Variants in ZFHX3 observed in about 807,000 individuals in gnomAD.
ZFHX3 encodes zinc finger homeobox protein 3.
In ZFHX3, 42 loss-of-function variants were observed where a neutral mutation model predicts 279.1. That is an observed-to-expected ratio of 0.15 (90% CI 0.12 to 0.19). The LOEUF (loss-of-function observed/expected upper bound fraction) is 0.19, where lower values mean the gene tolerates loss of function less well. Among genes scored for constraint, ZFHX3 ranks in the 10% least tolerant of loss-of-function variants. ZFHX3 has a pLI of 1.00. For missense variants in ZFHX3, 4,981 were observed against 4,754.0 expected (o/e 1.05, Z -1.40); for synonymous variants, 2,293 against 1,957.8 (o/e 1.17, Z -4.52).
intron 2 of ZFHX3, among the ~76,000 whole-genome samples, chr16:73,631,162 T>C (rs760429580): frequency 6.6e-6 from 1 of 152,198 alleles, no homozygotes; most frequent in Non-Finnish European, 1.5e-5. Flanking sequence ...AGGTCAGGTA[T>C]GAATTTTAGG....
chr16:73,707,182 G>T (rs1403014672), intron 1 of ZFHX3, among the ~76,000 whole-genome samples: 4 of 152,024 alleles, frequency 2.6e-5, no homozygotes, highest in African/African-American at 9.7e-5. Context: ...CTCAGTATTT[G>T]CTCTTTCCCT....
chr16:73,805,503 C>A (rs1597123631), intron 1 of ZFHX3, among the ~76,000 whole-genome samples: 1 of 152,276 alleles, frequency 6.6e-6, no homozygotes, highest in Admixed American at 6.5e-5. Flanking sequence ...ATCTTTCCAT[C>A]AAGACTGCCA....
upstream of ZFHX3, chr16:73,060,502 G>GTCTCTC (rs149114094): frequency 6.8e-6 from 1 of 148,146 alleles, no homozygotes; most frequent in African/African-American, 2.5e-5. Flanking sequence ...GTGTCTGTCT[G>GTCTCTC]TCTCTCTCTC....
At chr16:73,402,292 T>C (rs941630082) in intron 3 of ZFHX3, 29 of 152,360 alleles carry the variant, frequency 1.9e-4, no homozygotes, top group African/African-American at 6.7e-4. Context: ...CCTTGTTTCC[T>C]CAGGTAAACT....
intron 3 of ZFHX3, chr16:73,389,387 T>C (rs2016965652): frequency 6.6e-6 from 1 of 152,230 alleles, no homozygotes; most frequent in Non-Finnish European, 1.5e-5. Flanking sequence ...TGCCCTCTAG[T>C]CTAAAGCAGC....
intron 5 of ZFHX3, among the ~76,000 whole-genome samples, chr16:72,822,839 A>T (rs1306343833): frequency 7.4e-6 from 1 of 135,104 alleles, no homozygotes; most frequent in Non-Finnish European, 1.5e-5. Flanking sequence ...CCTGCCTTAG[A>T]TATGTGTGCA....
At chr16:73,597,053 T>C (rs1597018728) in intron 2 of ZFHX3, among the ~76,000 whole-genome samples, 1 of 152,304 alleles carries the variant, frequency 6.6e-6, no homozygotes, top group Non-Finnish European at 1.5e-5. Flanking sequence ...TTCATCACCA[T>C]ATGTACTGTT....
intron 3 of ZFHX3, among the ~76,000 whole-genome samples, chr16:72,939,505 C>T (rs1032683093): frequency 1.3e-5 from 2 of 152,254 alleles, no homozygotes; most frequent in Non-Finnish European, 2.9e-5. Context: ...TGCAGGACCA[C>T]TGCAGTGACA....
At chr16:73,125,838 A>G (rs1966560489) in intron 7 of ZFHX3, among the ~76,000 whole-genome samples, 1 of 152,058 alleles carries the variant, frequency 6.6e-6, no homozygotes, top group African/African-American at 2.4e-5. Context: ...ACACACACAC[A>G]TATCTATTCC....
intron 1 of ZFHX3, among the ~76,000 whole-genome samples, chr16:73,696,143 G>A (rs539640522): frequency 1.1e-4 from 17 of 152,316 alleles, no homozygotes; most frequent in African/African-American, 3.8e-4. Flanking sequence ...TTTGTCATTG[G>A]TTGAGGGCTT....
At chr16:73,787,313 A>G (rs879535726) in intron 1 of ZFHX3, among the ~76,000 whole-genome samples, 1 of 152,188 alleles carries the variant, frequency 6.6e-6, no homozygotes, top group Non-Finnish European at 1.5e-5. Flanking sequence ...AAACCCTTCA[A>G]TAAAGCACCA....
chr16:73,658,558 C>T (rs2052746907), intron 2 of ZFHX3, among the ~76,000 whole-genome samples: 1 of 152,200 alleles, frequency 6.6e-6, no homozygotes, highest in Non-Finnish European at 1.5e-5. Context: ...CCTCCTTGGT[C>T]TCCCAAAGTG....
At chr16:73,163,098 C>G (rs1321791731) in intron 5 of ZFHX3, among the ~76,000 whole-genome samples, 1 of 152,204 alleles carries the variant, frequency 6.6e-6, no homozygotes, top group Admixed American at 6.5e-5. Flanking sequence ...GGCCATCTTT[C>G]ATTCAGTCGG....
At chr16:73,563,987 G>A (rs545017853) in intron 2 of ZFHX3, among the ~76,000 whole-genome samples, 1 of 152,314 alleles carries the variant, frequency 6.6e-6, no homozygotes, top group African/African-American at 2.4e-5. Context: ...AAAGAAGCAA[G>A]TGAATGAGTT....
At chr16:73,602,437 A>T (rs1398623383) in intron 2 of ZFHX3, among the ~76,000 whole-genome samples, 1 of 152,162 alleles carries the variant, frequency 6.6e-6, no homozygotes, top group African/African-American at 2.4e-5. Context: ...CTTTGGTCTC[A>T]TGAGACGATT....
intron 5 of ZFHX3, among the ~76,000 whole-genome samples, chr16:73,193,850 T>A (rs1230007854): frequency 6.6e-6 from 1 of 152,192 alleles, no homozygotes; most frequent in Non-Finnish European, 1.5e-5. Context: ...CTGATAAGGA[T>A]TGTGTAAGTA....
intron 2 of ZFHX3, among the ~76,000 whole-genome samples, chr16:73,519,183 G>A (rs1273686813): frequency 6.6e-6 from 1 of 151,708 alleles, no homozygotes; most frequent in Non-Finnish European, 1.5e-5. Flanking sequence ...CTAATTGATG[G>A]TTATTTATGA....
intron 2 of ZFHX3, among the ~76,000 whole-genome samples, chr16:73,519,156 A>T (rs571021305): frequency 1.3e-5 from 2 of 152,126 alleles, no homozygotes; most frequent in Non-Finnish European, 2.9e-5. Flanking sequence ...GAAGCCCAGG[A>T]ATTTTCTCCA....
chr16:73,771,882 C>T (rs574149367), intron 1 of ZFHX3, among the ~76,000 whole-genome samples: 25 of 152,174 alleles, frequency 1.6e-4, no homozygotes, highest in Middle Eastern at 3.4e-3. Context: ...ATATGGTTAC[C>T]CTGAAAGTAT....
Sources: gnomAD v4.1 joint callset for allele counts (sites outside exome capture counted in the v4.1 genomes callset) on GRCh38, gnomAD v4.1.1 for gene constraint, MANE v1.5 for transcripts, NCBI Gene and HGNC (gene_info 2026-07-23, HGNC 2026-07-21) for gene names.